The following DENND3 variants were observed in gnomAD, a reference collection of about 807,000 sequenced individuals.
DENND3 encodes DENN domain-containing protein 3.
In DENND3, 88 loss-of-function variants were observed where a neutral mutation model predicts 135.1. That is an observed-to-expected ratio of 0.65 (90% CI 0.55 to 0.78). The LOEUF (loss-of-function observed/expected upper bound fraction) is 0.78. DENND3 is among the 30% of genes least tolerant of loss of function. The pLI is 0.00. For synonymous variants in DENND3, 693 were observed against 712.3 expected, an observed-to-expected ratio of 0.97 and a Z score of 0.43; for missense variants, 1,392 against 1,688.4, an observed-to-expected ratio of 0.82 and a Z score of 3.08.
chr8:141,173,455 C>G (rs1017893673), intron 13 of DENND3: 29 of 152,244 alleles, frequency 1.9e-4, no homozygotes, highest in African/African-American at 6.5e-4. Context: ...CCCTGCAGGG[C>G]CGGCAGTGCC....
chr8:141,128,867 G>A lies in DENND3; in HGVS notation c.102+58G>A, dbSNP rs1815519541. The A allele has an allele frequency of 2.7e-5, 34 of 1,271,276 alleles. No homozygotes were observed. The highest frequency in any genetic ancestry group is 2.1e-4 in the Middle Eastern group (1 of 4,666). 78.7% of individuals were successfully genotyped at this position (1,271,276 alleles called of 1,614,324 possible). A position where few individuals can be genotyped will look rare whatever the true frequency, so the allele number is the denominator to read the frequency against. On this transcript the variant is annotated intron_variant, in intron 1 of 22. Transcript: ENST00000519811. This position sits in a 1 kb window ranked among gnomAD's most constrained non-coding sequence, Gnocchi z 4.5. ...CCACGAGTCGGCAGCCGGGACAGCA[G>A]TCGGAGAGCGGGCGCCCGGGTGCCC...
intron 20 of DENND3, 191 bp from the exon 21 acceptor site, chr8:141,192,140 C>A: frequency 1.7e-6 from 1 of 587,850 alleles, no homozygotes; most frequent in East Asian, 3.0e-5. Context: ...CTCATTTCTT[C>A]TTAAAGACCC....
intron 15 of DENND3, 60 bp from the exon 16 acceptor site, chr8:141,178,007 C>T (rs1335242268): frequency 6.5e-7 from 1 of 1,542,026 alleles, no homozygotes; most frequent in Non-Finnish European, 8.8e-7. Flanking sequence ...GCAACAAGGT[C>T]TCCGGTGAAC....
intron 7 of DENND3, among the ~76,000 whole-genome samples, chr8:141,155,229 C>T (rs949411894): frequency 3.3e-5 from 5 of 152,032 alleles, no homozygotes; most frequent in South Asian, 2.1e-4. Context: ...CTTACACTGT[C>T]GAGCTGCACG....
rs780139045 is a variant in DENND3 at position 141,144,305 on chromosome 8, AAAGT to A, written c.735+50_735+53del. On this transcript the variant is annotated intron_variant, in intron 5 of 22. Coordinates refer to ENST00000519811, the MANE Select transcript of DENND3 (RefSeq NM_001352890.3). The surrounding 1 kb of genome is among the most constrained non-coding windows in gnomAD (Gnocchi z 4.4). ...TATTGTTTTTTCTTTGCAAATAGTAAAAGTAAGATGTTGAAGATAATGTAAATGC... is the reference window on the plus strand; with the variant it reads ...TATTGTTTTTTCTTTGCAAATAGTAAAAGATGTTGAAGATAATGTAAATGC... 2.0e-6 allele frequency: 3 copies of A among 1,511,586 alleles called. No homozygotes were observed. The highest frequency in any genetic ancestry group is 2.3e-5 in the East Asian group (1 of 43,034). 93.6% of individuals were successfully genotyped at this position (1,511,586 alleles called of 1,614,324 possible). A position where few individuals can be genotyped will look rare whatever the true frequency, so the allele number is the denominator to read the frequency against.
chr8:141,133,673 AG>A (rs1307148704), intron 1 of DENND3, among the ~76,000 whole-genome samples: 3 of 151,954 alleles, frequency 2.0e-5, no homozygotes, highest in African/African-American at 7.3e-5. Flanking sequence ...GAGGCTCTCC[AG>A]GACCAGTGGC....
chr8:141,190,393 C>A lies in DENND3; in HGVS notation c.3355C>A (p.Leu1119Met). ...GCGAGGTGGCCTGACGTCCATCAGA[C>A]TGCACGGCGGCCGCCTGTGGTGCTG... Reference protein sequence around the residue: ...LPRGGLTSIRLHGGRLWCCTG... With the variant: ...LPRGGLTSIRMHGGRLWCCTG... The change falls in exon 20 of 23, where the codon CTG (leucine) becomes ATG (methionine). Residue 1119 changes from leucine to methionine, a missense_variant. Transcript: ENST00000519811. 6.2e-7 allele frequency: 1 copy of A among 1,611,542 alleles called. No homozygotes were observed.
chr8:141,176,348 C>T, intron 14 of DENND3: 1 of 513,292 alleles, frequency 1.9e-6, no homozygotes, highest in East Asian at 3.4e-5. Flanking sequence ...GAATGCGCTG[C>T]CTTCGGACAC....
In DENND3 at chr8:141,144,564, C is replaced by A. The variant is rs931923091; in HGVS notation, c.735+305C>A. ...TTGTGTATAGGGTTGTAAACTAAAA[C>A]GAAAATCCTAAGCCTCCCTACTGAC... On this transcript the variant is annotated intron_variant, in intron 5 of 22. Coordinates refer to ENST00000519811, the MANE Select transcript of DENND3 (RefSeq NM_001352890.3). This position sits in a 1 kb window ranked among gnomAD's most constrained non-coding sequence, Gnocchi z 4.4. Among the ~76,000 whole-genome samples the A allele has an allele frequency of 6.6e-6, 1 of 152,034 alleles. No homozygotes were observed. The highest frequency in any genetic ancestry group is 1.5e-5 in the Non-Finnish European group (1 of 67,998).
intron 1 of DENND3, 83 bp from the exon 2 acceptor site, chr8:141,136,426 C>T (rs1363045530): frequency 7.3e-7 from 1 of 1,371,928 alleles, no homozygotes; most frequent in African/African-American, 1.5e-5. Context: ...AGGAGAAAAA[C>T]AAGCAGTGAA....
intron 7 of DENND3, among the ~76,000 whole-genome samples, chr8:141,153,097 T>C (rs1393592034): frequency 2.7e-5 from 4 of 149,020 alleles, no homozygotes; most frequent in East Asian, 3.9e-4. Flanking sequence ...TCTTTCTTTT[T>C]TTTTTTTTTT....
At chr8:141,145,665 G>A (rs1414584906) in intron 5 of DENND3, among the ~76,000 whole-genome samples, 3 of 151,818 alleles carry the variant, frequency 2.0e-5, no homozygotes, top group Middle Eastern at 6.8e-3. Flanking sequence ...GTGATATGTC[G>A]TGGCACTTCA....
rs1159813382 is a variant in DENND3 at position 141,139,679 on chromosome 8, T to C, written c.502-1524T>C. ...ACACTTACCAGGAGCAATGCGCATG[T>C]TGTTTTCGTTATCATTAAATATAAT... On this transcript the variant is annotated intron_variant, in intron 3 of 22. Transcript: ENST00000519811. The surrounding 1 kb of genome is among the most constrained non-coding windows in gnomAD (Gnocchi z 4.2). Among the ~76,000 whole-genome samples the C allele has an allele frequency of 6.6e-6, 1 of 152,158 alleles. No homozygotes were observed. The highest frequency in any genetic ancestry group is 2.4e-5 in the African/African-American group (1 of 41,420).
intron 16 of DENND3, among the ~76,000 whole-genome samples, chr8:141,179,215 A>G (rs1405005123): frequency 2.0e-5 from 3 of 152,252 alleles, no homozygotes; most frequent in South Asian, 2.1e-4. Flanking sequence ...AGCCGGGCTC[A>G]GGTGCCTGTG....
intron 5 of DENND3, among the ~76,000 whole-genome samples, chr8:141,147,083 G>A (rs1818239740): frequency 6.6e-6 from 1 of 152,190 alleles, no homozygotes; most frequent in African/African-American, 2.4e-5. Flanking sequence ...CCGTGAGGAA[G>A]GTGACTGAGG....
Position 141,180,865 on chromosome 8 carries a change from T to G in DENND3, c.2944+11T>G. 6.2e-7 allele frequency: 1 copy of G among 1,605,374 alleles called. No homozygotes were observed. The highest frequency in any genetic ancestry group is 8.5e-7 in the Non-Finnish European group (1 of 1,174,744). ...TGCTCTACACTCCAGGTAAGGCCCC[T>G]CTGCCCGCGCCTCGCTGCCAGTTTT... On this transcript the variant is annotated intron_variant, in intron 17 of 22. Coordinates refer to ENST00000519811, the MANE Select transcript of DENND3 (RefSeq NM_001352890.3).
chr8:141,187,465 T>TCCTC (rs1824043597), intron 18 of DENND3, among the ~76,000 whole-genome samples: 1 of 152,120 alleles, frequency 6.6e-6, no homozygotes, highest in African/African-American at 2.4e-5. Flanking sequence ...GCTCAAGCAG[T>TCCTC]CCTCCCGCCT....
At chr8:141,172,044 T>C (rs139920598) in intron 13 of DENND3, among the ~76,000 whole-genome samples, 126 of 145,974 alleles carry the variant, frequency 8.6e-4, no homozygotes, top group African/African-American at 3.2e-3. Flanking sequence ...GCACAGTGTC[T>C]TGGGTGAGCA....
rs750228880 is a variant in DENND3 at position 141,141,154 on chromosome 8, G to C, written c.502-49G>C. 1.2e-6 allele frequency: 2 copies of C among 1,613,518 alleles called. No individual in the cohort carries two copies. The highest frequency in any genetic ancestry group is 2.2e-5 in the South Asian group (2 of 91,068). On this transcript the variant is annotated intron_variant, in intron 3 of 22. Coordinates refer to ENST00000519811, the MANE Select transcript of DENND3 (RefSeq NM_001352890.3). The surrounding 1 kb of genome is among the most constrained non-coding windows in gnomAD (Gnocchi z 5.3). ...GTGACCCAGTTGGAAACAGATACTG[G>C]AATTGCCAAGGTGGGGAGGTGACCA... is the stretch of plus-strand genomic sequence containing the variant.
Sources: gnomAD v4.1 joint callset for allele counts (sites outside exome capture counted in the v4.1 genomes callset) on GRCh38, gnomAD v4.1.1 for gene constraint, Gnocchi (gnomAD v3.1) non-coding constraint, MANE v1.5 for transcripts, NCBI Gene and HGNC (gene_info 2026-07-23, HGNC 2026-07-21) for gene names.